The following IRAK1BP1 variants were observed in gnomAD, a reference collection of about 807,000 sequenced individuals.
IRAK1BP1 encodes the protein interleukin 1 receptor associated kinase 1 binding protein 1.
In IRAK1BP1, 24 loss-of-function variants were observed where a neutral mutation model predicts 28.0. The observed-to-expected ratio is 0.86, with a 90% CI of 0.62 to 1.20. The LOEUF is 1.20. Among genes scored for constraint, IRAK1BP1 ranks in the 50% most tolerant of loss-of-function variants. IRAK1BP1 has a pLI of 0.00. For synonymous variants in IRAK1BP1, 131 were observed against 116.3 expected (o/e 1.13, Z -0.81); for missense variants, 336 against 316.7 (o/e 1.06, Z -0.46).
intron 4 of IRAK1BP1, among the ~76,000 whole-genome samples, chr6:78,934,120 A>G (rs1773169873): frequency 6.6e-6 from 1 of 152,174 alleles, no homozygotes; most frequent in Non-Finnish European, 1.5e-5. Flanking sequence ...TCTCAAAAAG[A>G]GGGAGAGGGG....
the IRAK1BP1 span, chr6:78,978,557 G>A: frequency 6.5e-7 from 1 of 1,531,738 alleles, no homozygotes. Flanking sequence ...AAAACTATGT[G>A]AGGAAAAATG....
intron 4 of IRAK1BP1, chr6:78,939,311 G>A (rs1773381684): frequency 6.6e-6 from 1 of 151,616 alleles, no homozygotes; most frequent in African/African-American, 2.4e-5. Context: ...ATCATTAAAT[G>A]GAGTTTTTCT....
At chr6:78,907,939 C>G (rs1448288252), downstream of IRAK1BP1, among the ~76,000 whole-genome samples, 1 of 151,636 alleles carries the variant, frequency 6.6e-6, no homozygotes, top group African/African-American at 2.4e-5. Context: ...AGGCTGGTCT[C>G]AAACTCCTGA....
intron 4 of IRAK1BP1, among the ~76,000 whole-genome samples, chr6:78,912,784 T>C (rs1279366833): frequency 6.6e-6 from 1 of 152,174 alleles, no homozygotes; most frequent in Non-Finnish European, 1.5e-5. Context: ...TTACAAATTA[T>C]TATCGTATGA....
At chr6:78,938,953 T>G (rs184099483) in intron 4 of IRAK1BP1, 10 of 151,826 alleles carry the variant, frequency 6.6e-5, no homozygotes, top group Admixed American at 5.9e-4. Flanking sequence ...GCAGACTTTA[T>G]TTTTCTACAT....
chr6:78,924,245 A>G (rs569945377), intron 4 of IRAK1BP1, among the ~76,000 whole-genome samples: 14 of 152,216 alleles, frequency 9.2e-5, no homozygotes, highest in Admixed American at 2.6e-4. Context: ...ATCACCACTG[A>G]TGCCACAGAA....
chr6:78,930,061 G>A lies in IRAK1BP1; in HGVS notation c.*68-15347G>A, dbSNP rs147860552. Among the ~76,000 whole-genome samples, 98 of 152,114 alleles carry A rather than the reference G, an allele frequency of 6.4e-4. 1 individual carries two copies. The South Asian group carries it at 7.9e-3, about 12-fold the overall frequency. ...AAGCATTCCTCCTATGTGAGCCTCC[G>A]AGTGGTTGGGACTAGAGGCATGTAC... On this transcript the variant is annotated intron_variant and NMD_transcript_variant, in intron 4 of 4. Transcript: ENST00000606868.
At chr6:78,908,013 C>T (rs188877814), downstream of IRAK1BP1, among the ~76,000 whole-genome samples, 100 of 149,522 alleles carry the variant, frequency 6.7e-4, 1 homozygote, top group South Asian at 8.1e-3. Context: ...GCACTGCACC[C>T]GGCCTTTTAT....
chr6:78,937,394 A>C (rs918853180), intron 4 of IRAK1BP1: 3 of 151,764 alleles, frequency 2.0e-5, no homozygotes, highest in African/African-American at 7.2e-5. Context: ...ATTTGAATAC[A>C]TTTCTTAAAA....
the IRAK1BP1 span, chr6:78,958,473 A>G: frequency 6.8e-7 from 1 of 1,478,294 alleles, no homozygotes; most frequent in East Asian, 2.3e-5. Flanking sequence ...AAGATAACTT[A>G]CTTTATAAAA....
chr6:78,871,861 ACTT>A, intron 1 of IRAK1BP1: 2 of 489,606 alleles, frequency 4.1e-6, no homozygotes, highest in Non-Finnish European at 7.1e-6. Flanking sequence ...TGATACCACT[ACTT>A]GTATCCTTTG....
intron 4 of IRAK1BP1, among the ~76,000 whole-genome samples, chr6:78,916,378 C>A (rs1343142815): frequency 6.6e-6 from 1 of 151,888 alleles, no homozygotes; most frequent in Non-Finnish European, 1.5e-5. Flanking sequence ...TAAGACCCAA[C>A]CTTAGAGTTG....
intron 4 of IRAK1BP1, among the ~76,000 whole-genome samples, chr6:78,911,525 G>A (rs1415428202): frequency 2.6e-5 from 4 of 152,142 alleles, no homozygotes; most frequent in African/African-American, 9.7e-5. Context: ...AAATTATCCA[G>A]TTTCTCTGGA....
chr6:78,962,260 A>T, the IRAK1BP1 span, among the ~76,000 whole-genome samples: 11 of 152,164 alleles, frequency 7.2e-5, no homozygotes, highest in African/African-American at 2.7e-4. Context: ...AGAGAAAAGG[A>T]AACAGACCCA....
chr6:78,957,039 T>C, the IRAK1BP1 span: 1 of 152,078 alleles, frequency 6.6e-6, no homozygotes, highest in South Asian at 2.1e-4. Flanking sequence ...CTAAAAAAAG[T>C]ATTTTTAAAC....
chr6:78,885,573 C>G, intron 2 of IRAK1BP1, 130 bp downstream of exon 2: 1 of 502,338 alleles, frequency 2.0e-6, no homozygotes. Flanking sequence ...TCAAAATCAT[C>G]TTGGTGTTAT....
At chr6:78,913,223 T>C (rs1772473525) in intron 4 of IRAK1BP1, among the ~76,000 whole-genome samples, 1 of 151,826 alleles carries the variant, frequency 6.6e-6, no homozygotes, top group South Asian at 2.1e-4. Flanking sequence ...TAGTCCCAGC[T>C]ACTCGGGAGG....
intron 2 of IRAK1BP1, among the ~76,000 whole-genome samples, chr6:78,892,032 C>T (rs1771682392): frequency 6.6e-6 from 1 of 152,226 alleles, no homozygotes; most frequent in Admixed American, 6.5e-5. Flanking sequence ...AATCTTTGAA[C>T]ATTAAGCCAA....
intron 2 of IRAK1BP1, among the ~76,000 whole-genome samples, chr6:78,892,833 T>A (rs192731913): frequency 6.6e-6 from 1 of 152,104 alleles, no homozygotes; most frequent in Non-Finnish European, 1.5e-5. Context: ...AAGACGTGCT[T>A]AGTGAACCTG....
Sources: gnomAD v4.1 joint callset for allele counts (sites outside exome capture counted in the v4.1 genomes callset) on GRCh38, gnomAD v4.1.1 for gene constraint, MANE v1.5 for transcripts, NCBI Gene and HGNC (gene_info 2026-07-23, HGNC 2026-07-21) for gene names.